Variants in TAFA2 observed in about 807,000 individuals in gnomAD.
TAFA2 encodes the protein chemokine-like protein TAFA-2.
Under a neutral mutation model 18.8 loss-of-function variants are expected in TAFA2, and 7 were observed. The ratio of observed to expected loss-of-function variants is 0.37; its 90% CI spans 0.21 to 0.70. The LOEUF (loss-of-function observed/expected upper bound fraction) is 0.70. TAFA2 is among the 30% of genes least tolerant of loss of function. TAFA2 has a pLI of 0.53. For missense variants in TAFA2, 122 were observed against 158.1 expected, an observed-to-expected ratio of 0.77 and a Z score of 1.23; for synonymous variants, 60 against 54.2, an observed-to-expected ratio of 1.11 and a Z score of -0.47.
chr12:61,778,540 A>T (rs942637220), intron 2 of TAFA2, among the ~76,000 whole-genome samples: 1 of 151,610 alleles, frequency 6.6e-6, no homozygotes, highest in African/African-American at 2.4e-5. Context: ...TTTACTCATC[A>T]CTCATTTACT....
At chr12:62,235,901 T>C (rs2062835032) in intron 1 of TAFA2, among the ~76,000 whole-genome samples, 2 of 152,070 alleles carry the variant, frequency 1.3e-5, no homozygotes, top group South Asian at 4.2e-4. Flanking sequence ...TTTTTTGCTT[T>C]GTTATTACCA....
chr12:62,053,250 C>T (rs1303779832), intron 1 of TAFA2, among the ~76,000 whole-genome samples: 3 of 152,052 alleles, frequency 2.0e-5, no homozygotes, highest in African/African-American at 7.2e-5. Flanking sequence ...TGCTACAACC[C>T]AGAGTAATAT....
chr12:61,852,363 C>G (rs1162100501), intron 2 of TAFA2, among the ~76,000 whole-genome samples: 1 of 152,160 alleles, frequency 6.6e-6, no homozygotes, highest in Admixed American at 6.5e-5. Context: ...ATCCCAAAGA[C>G]TGGCTTGCAC....
intron 2 of TAFA2, among the ~76,000 whole-genome samples, chr12:61,806,555 G>A: frequency 6.6e-6 from 1 of 152,176 alleles, no homozygotes; most frequent in East Asian, 1.9e-4. Flanking sequence ...CCAAAAATGT[G>A]GAAGTGACTT....
At chr12:61,959,915 C>A (rs1878823400) in intron 1 of TAFA2, among the ~76,000 whole-genome samples, 1 of 151,594 alleles carries the variant, frequency 6.6e-6, no homozygotes, top group South Asian at 2.1e-4. Flanking sequence ...CAGGCTGGAG[C>A]ACAGTGGCTA....
At chr12:62,010,232 G>C (rs1663474) in intron 1 of TAFA2, among the ~76,000 whole-genome samples, 1 of 145,644 alleles carries the variant, frequency 6.9e-6, no homozygotes, top group African/African-American at 2.6e-5. Context: ...TTGTACTGCC[G>C]TGGTCTCGGC....
intron 4 of TAFA2, among the ~76,000 whole-genome samples, chr12:61,745,900 G>A (rs1436337485): frequency 3.3e-5 from 5 of 152,048 alleles, no homozygotes; most frequent in Admixed American, 3.3e-4. Context: ...GGGAACAGAT[G>A]GGGGAAGGGG....
Position 61,990,532 on chromosome 12 carries a change from G to A in TAFA2, c.-1-123106C>T, listed in dbSNP as rs569426375. Reference sequence around the variant, plus strand: ...TTTTTTGCATTTTTAATAGAGACGGGGTTTCACCATGTTAGCCAGGATGGT... The same window carrying A: ...TTTTTTGCATTTTTAATAGAGACGGAGTTTCACCATGTTAGCCAGGATGGT... On this transcript the variant is annotated intron_variant, in intron 1 of 4. Transcript: ENST00000416284. Among the ~76,000 whole-genome samples, 138 of 151,738 alleles carry A rather than the reference G, an allele frequency of 9.1e-4. 4 individuals are homozygous for A. In the South Asian group the frequency reaches 0.029, roughly 31 times the overall value.
intron 2 of TAFA2, among the ~76,000 whole-genome samples, chr12:61,848,977 G>C (rs1873523995): frequency 6.7e-6 from 1 of 150,166 alleles, no homozygotes; most frequent in African/African-American, 2.5e-5. Flanking sequence ...GAGTAGCTGG[G>C]ATTACAGGCA....
intron 1 of TAFA2, among the ~76,000 whole-genome samples, chr12:61,903,348 T>G (rs1026409429): frequency 3.3e-5 from 5 of 152,246 alleles, no homozygotes; most frequent in African/African-American, 1.2e-4. Context: ...CTGCTCATTC[T>G]TCATTTCTCT....
At chr12:61,914,284 AG>A (rs1222214744) in intron 1 of TAFA2, among the ~76,000 whole-genome samples, 1 of 152,184 alleles carries the variant, frequency 6.6e-6, no homozygotes, top group Non-Finnish European at 1.5e-5. Flanking sequence ...TCCTTCTCTC[AG>A]GATCTAATCA....
At chr12:62,181,997 C>CCCT (rs1555196490) in intron 1 of TAFA2, among the ~76,000 whole-genome samples, 33 of 150,220 alleles carry the variant, frequency 2.2e-4, no homozygotes, top group African/African-American at 8.1e-4. Flanking sequence ...CCATCCCCCC[C>CCCT]CCGCTACACA....
At chr12:61,733,156 T>G (rs1247617661) in intron 4 of TAFA2, among the ~76,000 whole-genome samples, 2 of 152,190 alleles carry the variant, frequency 1.3e-5, no homozygotes, top group African/African-American at 4.8e-5. Flanking sequence ...GAGTTCATTG[T>G]AGATTCTGGA....
intron 1 of TAFA2, among the ~76,000 whole-genome samples, chr12:61,978,735 A>T (rs941926946): frequency 6.6e-6 from 1 of 152,070 alleles, no homozygotes; most frequent in African/African-American, 2.4e-5. Context: ...GGAGGCAAGA[A>T]ATTGACATTT....
chr12:62,224,091 A>C (rs927721145), intron 1 of TAFA2, among the ~76,000 whole-genome samples: 4 of 147,470 alleles, frequency 2.7e-5, no homozygotes, highest in African/African-American at 7.8e-5. Flanking sequence ...ATACACACAC[A>C]CACACACACA....
chr12:61,885,738 G>C (rs562566784), intron 1 of TAFA2, among the ~76,000 whole-genome samples: 13 of 152,144 alleles, frequency 8.5e-5, no homozygotes, highest in Admixed American at 3.9e-4. Flanking sequence ...ATAATTTGAA[G>C]TTCTCTGCTA....
chr12:62,040,146 G>A (rs1159876376), intron 1 of TAFA2, among the ~76,000 whole-genome samples: 1 of 152,080 alleles, frequency 6.6e-6, no homozygotes, highest in East Asian at 1.9e-4. Flanking sequence ...AATAGCCAGG[G>A]TCCAATGTAA....
intron 1 of TAFA2, among the ~76,000 whole-genome samples, chr12:62,075,098 C>A (rs911970195): frequency 2.0e-5 from 3 of 152,066 alleles, no homozygotes; most frequent in Non-Finnish European, 2.9e-5. Context: ...ACCATTGAAC[C>A]AATAACACAA....
intron 1 of TAFA2, among the ~76,000 whole-genome samples, chr12:62,005,354 G>A (rs540027245): frequency 6.6e-6 from 1 of 152,078 alleles, no homozygotes; most frequent in South Asian, 2.1e-4. Flanking sequence ...TAATTTTATT[G>A]CTATCGTCTC....
Sources: allele counts gnomAD v4.1 joint callset (sites outside exome capture counted in the v4.1 genomes callset), GRCh38; gene constraint gnomAD v4.1.1; transcripts MANE v1.5; gene names NCBI Gene and HGNC (gene_info 2026-07-23, HGNC 2026-07-21).